SHISA9: variants seen among roughly 807,000 people sequenced by gnomAD.
The protein encoded by SHISA9 is shisa family member 9.
A neutral mutation model predicts 38.0 loss-of-function variants in SHISA9; 13 were observed. The ratio of observed to expected loss-of-function variants is 0.34; its 90% CI spans 0.22 to 0.54. SHISA9 has a LOEUF of 0.54. Ranked by LOEUF, SHISA9 falls within the 20% of genes least tolerant of loss-of-function variation. The probability of loss-of-function intolerance (pLI) is 0.91; values close to 1 mark genes in which losing one functional copy is unlikely to be tolerated. For synonymous variants in SHISA9, 275 were observed against 242.0 expected (o/e 1.14, Z -1.27); for missense variants, 538 against 575.8 (o/e 0.93, Z 0.67).
At chr16:13,022,387 A>G (rs1442295013) in intron 2 of SHISA9, among the ~76,000 whole-genome samples, 1 of 151,992 alleles carries the variant, frequency 6.6e-6, no homozygotes, top group Non-Finnish European at 1.5e-5. Context: ...GCTGGAGTGC[A>G]GTGGCACGGT....
At chr16:13,004,308 G>A (rs984778304) in intron 2 of SHISA9, among the ~76,000 whole-genome samples, 7 of 152,220 alleles carry the variant, frequency 4.6e-5, no homozygotes, top group Non-Finnish European at 8.8e-5. Context: ...GGCAGTGGAG[G>A]AAATAGAATT....
chr16:13,097,088 A>G (rs1303776164), intron 2 of SHISA9, among the ~76,000 whole-genome samples: 2 of 152,210 alleles, frequency 1.3e-5, no homozygotes, highest in Non-Finnish European at 1.5e-5. Flanking sequence ...GCTTAGGTAT[A>G]TAATCAACAC....
chr16:12,977,888 A>T, intron 2 of SHISA9, among the ~76,000 whole-genome samples: 1 of 152,162 alleles, frequency 6.6e-6, no homozygotes. Flanking sequence ...TACTTAGGTA[A>T]CGAGATGATT....
At chr16:13,195,294 A>G (rs1239633653) in intron 2 of SHISA9, among the ~76,000 whole-genome samples, 3 of 152,224 alleles carry the variant, frequency 2.0e-5, no homozygotes, top group Non-Finnish European at 4.4e-5. Flanking sequence ...GGAATCTGTC[A>G]AAGGAGACAA....
At chr16:13,244,116 T>A (rs569616131), downstream of SHISA9, among the ~76,000 whole-genome samples, 1 of 152,196 alleles carries the variant, frequency 6.6e-6, no homozygotes, top group Non-Finnish European at 1.5e-5. Flanking sequence ...TTAATGTTCT[T>A]AGGCCATGGA....
the SHISA9 span, among the ~76,000 whole-genome samples, chr16:13,477,070 C>A: frequency 6.6e-6 from 1 of 152,226 alleles, no homozygotes; most frequent in Non-Finnish European, 1.5e-5. Context: ...AATGTTCTTA[C>A]GTGGTCCACC....
chr16:13,392,455 T>C, the SHISA9 span, among the ~76,000 whole-genome samples: 2 of 152,316 alleles, frequency 1.3e-5, no homozygotes, highest in South Asian at 2.1e-4. Context: ...TACCACAGTT[T>C]ATTGATTCAC....
At chr16:12,903,595 C>T (rs1184603926) in intron 1 of SHISA9, among the ~76,000 whole-genome samples, 1 of 152,170 alleles carries the variant, frequency 6.6e-6, no homozygotes, top group South Asian at 2.1e-4. Flanking sequence ...CCACTAGGAG[C>T]ACTAAGCCCC....
intron 2 of SHISA9, among the ~76,000 whole-genome samples, chr16:13,074,363 A>G (rs542528808): frequency 1.3e-5 from 2 of 152,310 alleles, no homozygotes; most frequent in South Asian, 2.1e-4. Flanking sequence ...CTGATTCACA[A>G]TAAAGTTTGA....
intron 2 of SHISA9, among the ~76,000 whole-genome samples, chr16:13,189,596 C>T (rs867079039): frequency 6.6e-6 from 1 of 152,138 alleles, no homozygotes; most frequent in African/African-American, 2.4e-5. Context: ...CGACTTTTGT[C>T]TGAGTTAGCC....
chr16:13,549,032 T>TA, the SHISA9 span, among the ~76,000 whole-genome samples: 2 of 152,214 alleles, frequency 1.3e-5, no homozygotes, highest in Admixed American at 6.5e-5. Flanking sequence ...TTTGGCCACA[T>TA]AAAAAAGAGA....
In SHISA9 at chr16:13,235,321, C is replaced by A; in HGVS notation, c.1187C>A (p.Ser396Tyr). The change falls in exon 5 of 5, where the codon TCC (serine) becomes TAC (tyrosine). Residue 396 changes from serine (S) to tyrosine (Y), a missense_variant. Ser to Tyr is a moderately radical substitution (Grantham distance 144). Coordinates refer to ENST00000558583, the MANE Select transcript of SHISA9 (RefSeq NM_001145204.3). ...AAGCTTGGCACGGCCGAGACAGGCTCCAGCGACCCCTTGGGAACTCGCCCC... is the reference window on the plus strand; with the variant it reads ...AAGCTTGGCACGGCCGAGACAGGCTACAGCGACCCCTTGGGAACTCGCCCC... ...KGKLGTAETGSSDPLGTRPQH... is the reference protein window; with the variant it reads ...KGKLGTAETGYSDPLGTRPQH... 1 of 1,549,042 alleles carries A rather than the reference C, an allele frequency of 6.5e-7. No homozygotes were observed. The highest frequency in any genetic ancestry group is 8.7e-7 in the Non-Finnish European group (1 of 1,147,002).
intron 2 of SHISA9, among the ~76,000 whole-genome samples, chr16:13,127,398 G>A (rs2050270825): frequency 6.9e-6 from 1 of 145,726 alleles, no homozygotes; most frequent in African/African-American, 2.5e-5. Flanking sequence ...GAGAGAGGAA[G>A]AGAGAGAAGG....
the SHISA9 span, among the ~76,000 whole-genome samples, chr16:13,469,520 T>C: frequency 6.6e-6 from 1 of 152,166 alleles, no homozygotes; most frequent in South Asian, 2.1e-4. Context: ...CCTCGACCTG[T>C]GCAGATTTCC....
chr16:12,964,710 A>T (rs909534045), intron 2 of SHISA9, among the ~76,000 whole-genome samples: 1 of 152,164 alleles, frequency 6.6e-6, no homozygotes, highest in Admixed American at 6.6e-5. Context: ...AGATCAACAC[A>T]ATTCAAGATC....
intron 2 of SHISA9, among the ~76,000 whole-genome samples, chr16:13,114,087 A>AT (rs1407888803): frequency 3.9e-5 from 6 of 152,186 alleles, no homozygotes; most frequent in Non-Finnish European, 2.9e-5. Flanking sequence ...AGGCTTAACA[A>AT]TTAGCAAACT....
chr16:13,482,260 A>G, the SHISA9 span, among the ~76,000 whole-genome samples: 1 of 152,222 alleles, frequency 6.6e-6, no homozygotes, highest in Non-Finnish European at 1.5e-5. Context: ...AACTGTATCT[A>G]CTGAAGACCA....
At chr16:13,025,641 A>T (rs1442879716) in intron 2 of SHISA9, among the ~76,000 whole-genome samples, 1 of 152,266 alleles carries the variant, frequency 6.6e-6, no homozygotes, top group Non-Finnish European at 1.5e-5. Flanking sequence ...ATAGTCACTT[A>T]ATAGTAGAAC....
chr16:13,235,022 A>T lies in SHISA9; in HGVS notation c.896-8A>T. 6.5e-7 allele frequency: 1 copy of T among 1,534,912 alleles called. No individual in the cohort carries two copies. Among genetic ancestry groups the T allele is most frequent in the Non-Finnish European group, 8.8e-7 (1 of 1,136,156 alleles). On this transcript the variant is annotated splice_region_variant and splice_polypyrimidine_tract_variant and intron_variant, in intron 4 of 4. Coordinates refer to ENST00000558583, the MANE Select transcript of SHISA9 (RefSeq NM_001145204.3). ...TCCCCTTCTTCATCCACCCGTTCCG[A>T]TGTGTAGCTGACAAGGTCAATGACG...
Sources: allele counts gnomAD v4.1 joint callset (sites outside exome capture counted in the v4.1 genomes callset), GRCh38; gene constraint gnomAD v4.1.1; transcripts MANE v1.5; gene names NCBI Gene and HGNC (gene_info 2026-07-23, HGNC 2026-07-21).